Variants in SSBP4 observed in about 807,000 individuals in gnomAD.
The protein encoded by SSBP4 is single-stranded DNA-binding protein 4.
A neutral mutation model predicts 64.6 loss-of-function variants in SSBP4; 33 were observed. That is an observed-to-expected ratio of 0.51 (90% confidence interval 0.39 to 0.68). The LOEUF (loss-of-function observed/expected upper bound fraction) is 0.68. Ranked by LOEUF, SSBP4 falls within the 30% of genes least tolerant of loss-of-function variation. The pLI is 0.00. For missense variants in SSBP4, 583 were observed against 566.8 expected, an observed-to-expected ratio of 1.03 and a Z score of -0.29; for synonymous variants, 243 against 224.0, an observed-to-expected ratio of 1.08 and a Z score of -0.76.
At chr19:18,404,907 A>AG in the SSBP4 span, among the ~76,000 whole-genome samples, 2 of 151,040 alleles carry the variant, frequency 1.3e-5, no homozygotes, top group East Asian at 1.9e-4. Context: ...AAAAAAAAAA[A>AG]AAAAGATAAA....
chr19:18,429,386 G>A (rs988884685), intron 4 of SSBP4, among the ~76,000 whole-genome samples: 6 of 151,506 alleles, frequency 4.0e-5, no homozygotes, highest in African/African-American at 1.4e-4. Context: ...AGGGGGTCTG[G>A]CCCGGGCCAA....
At position 18,419,926 on chromosome 19, in the gene SSBP4, G is replaced by A. The variant is rs544407215; in HGVS notation, c.59+219G>A. Among the ~76,000 whole-genome samples, 757 of 149,878 alleles carry A rather than the reference G, an allele frequency of 5.1e-3. 4 individuals carry two copies. The highest frequency in any genetic ancestry group is 0.017 in the African/African-American group (690 of 40,830). ...GAGGGGTCGCCGGAGTTGAGGGTTGGCGGGCGACCCGAGGGGCGCTAGACG... is the reference window on the plus strand; with the variant it reads ...GAGGGGTCGCCGGAGTTGAGGGTTGACGGGCGACCCGAGGGGCGCTAGACG... On this transcript the variant is annotated intron_variant, in intron 1 of 17. Coordinates refer to ENST00000270061, the MANE Select transcript of SSBP4 (RefSeq NM_032627.5).
chr19:18,427,885 C>G lies in SSBP4; in HGVS notation c.195-13C>G, dbSNP rs1445372698. 1.9e-6 allele frequency: 3 copies of G among 1,613,946 alleles called. No individual in the cohort carries two copies. Among genetic ancestry groups the G allele is most frequent in the African/African-American group, 2.7e-5 (2 of 74,906 alleles). The stretch of plus-strand genomic sequence containing the variant: ...AGGCACGTGGAGCAACCATCTTCCC[C>G]TTTGGCCCACAGCGTCTTCTGGGAC... On this transcript the variant is annotated splice_polypyrimidine_tract_variant and intron_variant, in intron 3 of 17. Transcript: ENST00000270061. This position sits in a 1 kb window ranked among gnomAD's most constrained non-coding sequence, Gnocchi z 4.4.
At chr19:18,403,198 C>A in the SSBP4 span, among the ~76,000 whole-genome samples, 1 of 152,210 alleles carries the variant, frequency 6.6e-6, no homozygotes, top group Non-Finnish European at 1.5e-5. Context: ...TTCCTTTGCT[C>A]ACATGTTTTC....
chr19:18,409,398 T>A, the SSBP4 span, among the ~76,000 whole-genome samples: 9 of 152,020 alleles, frequency 5.9e-5, no homozygotes, highest in Non-Finnish European at 1.2e-4. Context: ...ATGTTGCCCA[T>A]CTGTTCTCGA....
the SSBP4 span, among the ~76,000 whole-genome samples, chr19:18,410,292 G>A: frequency 2.0e-5 from 3 of 152,044 alleles, no homozygotes; most frequent in South Asian, 2.1e-4. Flanking sequence ...CACCCCGCCC[G>A]GCCTAATTTT....
chr19:18,417,433 G>T (rs559725173), upstream of SSBP4, among the ~76,000 whole-genome samples: 11 of 152,330 alleles, frequency 7.2e-5, no homozygotes, highest in South Asian at 2.3e-3. This position sits in a 1 kb window ranked among gnomAD's most constrained non-coding sequence, Gnocchi z 5.4. Flanking sequence ...GTGGCAGGAG[G>T]GGCATCTGCC....
intron 1 of SSBP4, among the ~76,000 whole-genome samples, chr19:18,420,466 G>T (rs1354678276): frequency 1.3e-5 from 2 of 152,172 alleles, no homozygotes; most frequent in South Asian, 2.1e-4. Flanking sequence ...TCGGGGTGGG[G>T]AGTCAGCCGA....
At chr19:18,432,103 G>A (rs371364921) in intron 9 of SSBP4, 33 bp downstream of exon 9, 210 of 1,604,466 alleles carry the variant, frequency 1.3e-4, no homozygotes, top group Non-Finnish European at 1.6e-4. Context: ...TGGGGCCTTC[G>A]GGCTGTCCCC....
rs567876077 is a variant in SSBP4, at chr19:18,429,196, T to C, written c.279+1214T>C. On this transcript the variant is annotated intron_variant, in intron 4 of 17. Coordinates refer to ENST00000270061, the MANE Select transcript of SSBP4 (RefSeq NM_032627.5). ...CTGGGGGCGCCTTGCCCGCCGAGCCTGCACGGAGGCGGCCCCTTCCTCTCT... is the reference window on the plus strand; with the variant it reads ...CTGGGGGCGCCTTGCCCGCCGAGCCCGCACGGAGGCGGCCCCTTCCTCTCT... 1.7e-4 allele frequency among the ~76,000 whole-genome samples: 26 copies of C among 152,000 alleles called. 1 individual carries two copies. The East Asian group carries it at 5.0e-3, about 30-fold the overall frequency.
rs770208515 is a variant in SSBP4 at position 18,434,270 on chromosome 19, C to T, written c.*24C>T. 3.7e-6 allele frequency: 6 copies of T among 1,610,132 alleles called. No individual in the cohort carries two copies. Among genetic ancestry groups the T allele is most frequent in the South Asian group, 3.3e-5 (3 of 90,812 alleles). ...GATGGGGCGGCAGCCCCGGGCCTCT[C>T]TGCGGGCCTAGGCTTCTGCCCAGCG... On this transcript the variant is annotated 3_prime_UTR_variant, in exon 18 of 18. Coordinates refer to ENST00000270061, the MANE Select transcript of SSBP4 (RefSeq NM_032627.5).
the SSBP4 span, among the ~76,000 whole-genome samples, chr19:18,409,536 A>T: frequency 2.0e-5 from 3 of 149,298 alleles, no homozygotes; most frequent in Admixed American, 6.7e-5. Context: ...GATTTCACTT[A>T]AAAAAAAAAT....
At chr19:18,422,679 C>T (rs1322422322) in intron 1 of SSBP4, among the ~76,000 whole-genome samples, 2 of 152,212 alleles carry the variant, frequency 1.3e-5, no homozygotes, top group African/African-American at 4.8e-5. Context: ...AGGATCTTTG[C>T]AAGGACTGGG....
the SSBP4 span, among the ~76,000 whole-genome samples, chr19:18,412,725 G>A: frequency 6.6e-6 from 1 of 152,286 alleles, no homozygotes; most frequent in Admixed American, 6.5e-5. Flanking sequence ...TGACAGCCAG[G>A]AGTGGTGGCG....
At position 18,427,901 on chromosome 19, in the gene SSBP4, C is replaced by T. The variant is rs1376986975; in HGVS notation, c.198C>T (p.Val66=). 6 of 1,613,854 alleles carry T rather than the reference C, an allele frequency of 3.7e-6. No homozygotes were observed. In the East Asian group the frequency reaches 6.7e-5, roughly 18 times the overall value. ...PPGFLHSWWC[V]FWDLYCAAPD... is the part of the protein sequence containing the mutation. Reference sequence around the variant, plus strand: ...CATCTTCCCCTTTGGCCCACAGCGTCTTCTGGGACCTGTACTGCGCGGCGC... The same window carrying T: ...CATCTTCCCCTTTGGCCCACAGCGTTTTCTGGGACCTGTACTGCGCGGCGC... Residue 66 remains valine, a synonymous_variant, in exon 4 of 18, where the codon GTC becomes GTT. Coordinates refer to ENST00000270061, the MANE Select transcript of SSBP4 (RefSeq NM_032627.5). This position sits in a 1 kb window ranked among gnomAD's most constrained non-coding sequence, Gnocchi z 4.4.
upstream of SSBP4, among the ~76,000 whole-genome samples, chr19:18,416,027 T>C (rs1972128672): frequency 6.6e-6 from 1 of 152,114 alleles, no homozygotes; most frequent in Admixed American, 6.6e-5. Context: ...TTTTAGTTTT[T>C]GTTGTTGTTA....
chr19:18,432,003 A>G lies in SSBP4; in HGVS notation c.569A>G (p.His190Arg). 1 of 1,560,078 alleles carries G rather than the reference A, an allele frequency of 6.4e-7. No homozygotes were observed. Among genetic ancestry groups the G allele is most frequent in the Non-Finnish European group, 8.7e-7 (1 of 1,147,966 alleles). The change falls in exon 9 of 18, where the codon CAT becomes CGT. Residue 190 changes from histidine (H) to arginine (R), a missense_variant. Transcript: ENST00000270061. ...AMEPSPRAQG[H>R]PSMGGPMQRV... is the part of the protein sequence containing the mutation. ...CCTTCCTTCTGCCCCACCCCAGGGC[A>G]TCCGAGCATGGGCGGCCCAATGCAG...
At chr19:18,428,056 T>TGGGGGTGGGGGGGGGGTGGGGGGGG in intron 4 of SSBP4, 74 bp downstream of exon 4, 1 of 444,260 alleles carries the variant, frequency 2.3e-6, no homozygotes, top group East Asian at 4.7e-5. Context: ...GGAGGTGGGG[T>TGGGGGTGGGGGGGGGGTGGGGGGGG]GGGGGGCTGC....
intron 1 of SSBP4, among the ~76,000 whole-genome samples, chr19:18,420,372 C>T (rs1033023806): frequency 2.6e-5 from 4 of 151,984 alleles, no homozygotes; most frequent in Non-Finnish European, 4.4e-5. Context: ...TGGCTCCAGG[C>T]CGTGGGTACC....
Sources: gnomAD v4.1 joint callset for allele counts (sites outside exome capture counted in the v4.1 genomes callset) on GRCh38, gnomAD v4.1.1 for gene constraint, Gnocchi (gnomAD v3.1) non-coding constraint, MANE v1.5 for transcripts, NCBI Gene and HGNC (gene_info 2026-07-23, HGNC 2026-07-21) for gene names.